Variants in CREBBP observed in about 807,000 individuals in gnomAD.
The protein encoded by CREBBP is CREB-binding protein.
A neutral mutation model predicts 265.0 loss-of-function variants in CREBBP; 19 were observed. The observed-to-expected ratio is 0.07, with a 90% CI of 0.05 to 0.11. The LOEUF is 0.11. Among genes scored for constraint, CREBBP ranks in the 10% least tolerant of loss-of-function variants. The pLI, the probability that CREBBP is intolerant of heterozygous loss-of-function variation, is 1.00. For synonymous variants in CREBBP, 1,457 were observed against 1,223.7 expected, an observed-to-expected ratio of 1.19 and a Z score of -3.98; for missense variants, 2,525 against 3,219.0, an observed-to-expected ratio of 0.78 and a Z score of 5.22.
At chr16:3,755,274 G>C (rs573142444) in intron 19 of CREBBP, among the ~76,000 whole-genome samples, 1 of 152,216 alleles carries the variant, frequency 6.6e-6, no homozygotes, top group South Asian at 2.1e-4. Flanking sequence ...CAATGTAAAA[G>C]ACCAAAATCT....
At chr16:3,822,986 G>C (rs566169570) in intron 2 of CREBBP, among the ~76,000 whole-genome samples, 4 of 152,232 alleles carry the variant, frequency 2.6e-5, no homozygotes, top group Admixed American at 2.6e-4. Flanking sequence ...GTACCACAAA[G>C]GTGACTCTGA....
In CREBBP at chr16:3,797,166, C is replaced by G. The variant is rs189832067; in HGVS notation, c.976-3540G>C. Among the ~76,000 whole-genome samples, 448 of 152,268 alleles carry G rather than the reference C, an allele frequency of 2.9e-3. 2 individuals carry two copies. The highest frequency in any genetic ancestry group is 5.2e-3 in the Non-Finnish European group (357 of 68,010). On this transcript the variant is annotated intron_variant, in intron 3 of 30. Transcript: ENST00000262367. ...TGGAGGGAGAGTACTTCGGAACCTC[C>G]CTTTAAAGCACAGAACAAAGCCATC...
In CREBBP at chr16:3,790,983, TG is replaced by T. The variant is rs2053495723; in HGVS notation, c.1330+997del. 5.9e-5 allele frequency among the ~76,000 whole-genome samples: 9 copies of T among 152,106 alleles called. No homozygotes were observed. The South Asian group carries it at 1.9e-3, about 32-fold the overall frequency. ...GCAGCTGCGGGGTCTTGAGGAAGGA[TG>T]ATCAAGAAGAATGAGAGGAATGAAC... On this transcript the variant is annotated intron_variant, in intron 5 of 30. Transcript: ENST00000262367.
chr16:3,735,913 G>A (rs761234727), intron 28 of CREBBP, 123 bp downstream of exon 28: 70 of 1,503,666 alleles, frequency 4.7e-5, no homozygotes, highest in Admixed American at 2.4e-4. Context: ...TGGTGTCGAC[G>A]TGCATGTGTG....
At chr16:3,736,873 T>TAAGGAGTTATAGCAGAGGAGCAAGGACTA (rs2052074891) in intron 26 of CREBBP, 58 bp from the exon 27 acceptor site, 1 of 1,600,046 alleles carries the variant, frequency 6.2e-7, no homozygotes, top group African/African-American at 1.3e-5. Flanking sequence ...GCCCTGCCTT[T>TAAGGAGTTATAGCAGAGGAGCAAGGACTA]AAGGAGTTAT....
At chr16:3,808,794 T>C (rs1440892214) in intron 3 of CREBBP, among the ~76,000 whole-genome samples, 1 of 152,206 alleles carries the variant, frequency 6.6e-6, no homozygotes, top group Admixed American at 6.5e-5. Context: ...GCTTTCACTA[T>C]GAAGCCAAAA....
At chr16:3,813,572 A>G (rs1386415939) in intron 2 of CREBBP, among the ~76,000 whole-genome samples, 1 of 152,218 alleles carries the variant, frequency 6.6e-6, no homozygotes, top group African/African-American at 2.4e-5. Flanking sequence ...GAATTTGAAT[A>G]CAACAACACG....
chr16:3,739,833 T>A (rs1439236169), intron 24 of CREBBP, 109 bp from the exon 25 acceptor site: 2 of 1,488,954 alleles, frequency 1.3e-6, no homozygotes, highest in Admixed American at 3.4e-5. Flanking sequence ...AGCGGAGGCA[T>A]GGCCACCTCC....
intron 5 of CREBBP, among the ~76,000 whole-genome samples, chr16:3,790,123 TACTGAAATGTGCCCTAAAACACAAG>T (rs1475848623): frequency 6.6e-6 from 1 of 152,178 alleles, no homozygotes; most frequent in Non-Finnish European, 1.5e-5. Flanking sequence ...AAGAGCCTAT[TACTGAAATGTGCCCTAAAACACAAG>T]AAATTTAGCC....
intron 2 of CREBBP, among the ~76,000 whole-genome samples, chr16:3,833,273 G>A (rs1405950632): frequency 1.3e-5 from 2 of 152,238 alleles, no homozygotes; most frequent in African/African-American, 4.8e-5. Context: ...TTAGCTGGGT[G>A]TGGTGGCGCA....
intron 1 of CREBBP, among the ~76,000 whole-genome samples, chr16:3,863,360 T>C (rs1337946295): frequency 6.6e-6 from 1 of 152,112 alleles, no homozygotes; most frequent in Non-Finnish European, 1.5e-5. Context: ...TCCAGTATTT[T>C]AGGAAGCCCA....
chr16:3,751,141 G>A (rs933978730), intron 20 of CREBBP, among the ~76,000 whole-genome samples: 3 of 152,160 alleles, frequency 2.0e-5, no homozygotes, highest in African/African-American at 7.2e-5. Flanking sequence ...AAAAAAGACA[G>A]ACCAAGGTCA....
intron 2 of CREBBP, among the ~76,000 whole-genome samples, chr16:3,818,121 A>G (rs987732199): frequency 1.3e-5 from 2 of 151,972 alleles, no homozygotes; most frequent in Admixed American, 1.3e-4. Context: ...CACTCACAAG[A>G]AGGGGTTGAC....
At chr16:3,787,515 G>A (rs1188650753) in intron 5 of CREBBP, among the ~76,000 whole-genome samples, 1 of 151,980 alleles carries the variant, frequency 6.6e-6, no homozygotes, top group Non-Finnish European at 1.5e-5. Context: ...ATCTCTGAAG[G>A]GCCCTCAAGT....
chr16:3,813,421 G>A (rs1029372311), intron 2 of CREBBP, among the ~76,000 whole-genome samples: 2 of 152,114 alleles, frequency 1.3e-5, no homozygotes, highest in African/African-American at 4.8e-5. Context: ...TCCTTCAACT[G>A]TCATCTGAAA....
intron 28 of CREBBP, 67 bp downstream of exon 28, chr16:3,735,969 T>C: frequency 1.2e-6 from 2 of 1,613,588 alleles, no homozygotes; most frequent in Non-Finnish European, 1.7e-6. Context: ...GACACGCGCC[T>C]CCCAGCCTGC....
At chr16:3,733,138 G>A (rs1426974596) in intron 28 of CREBBP, among the ~76,000 whole-genome samples, 6 of 151,994 alleles carry the variant, frequency 3.9e-5, no homozygotes, top group African/African-American at 1.2e-4. Flanking sequence ...CAAGGCAGGC[G>A]GATCTCGAGG....
In CREBBP at chr16:3,850,996, C is replaced by G; in HGVS notation, c.99G>C (p.Leu33Phe). The change falls in exon 2 of 31, where the codon TTG (leucine) becomes TTC (phenylalanine). Residue 33 changes from leucine (L) to phenylalanine (F), a missense_variant. Coordinates refer to ENST00000262367, the MANE Select transcript of CREBBP (RefSeq NM_004380.3). ...SANDSTDFGS[L>F]FDLENDLPDE... ...CAGGAAGATCATTTTCCAAGTCAAACAATGATCCAAAATCTAGAAATTAAA... is the reference window on the plus strand; with the variant it reads ...CAGGAAGATCATTTTCCAAGTCAAAGAATGATCCAAAATCTAGAAATTAAA... 1 of 1,613,972 alleles carries G rather than the reference C, an allele frequency of 6.2e-7. No homozygotes were observed. Among genetic ancestry groups the G allele is most frequent in the Non-Finnish European group, 8.5e-7 (1 of 1,179,946 alleles).
At chr16:3,753,521 G>GC (rs2052520971) in intron 19 of CREBBP, among the ~76,000 whole-genome samples, 1 of 152,158 alleles carries the variant, frequency 6.6e-6, no homozygotes, top group Admixed American at 6.5e-5. Context: ...ACTCTGACAG[G>GC]CAAGAGGCAG....
Sources: gnomAD v4.1 joint callset for allele counts (sites outside exome capture counted in the v4.1 genomes callset) on GRCh38, gnomAD v4.1.1 for gene constraint, MANE v1.5 for transcripts, NCBI Gene and HGNC (gene_info 2026-07-23, HGNC 2026-07-21) for gene names.